The following TMEM200C variants were observed in gnomAD, a reference collection of about 807,000 sequenced individuals.
TMEM200C encodes the protein transmembrane protein 200C.
For synonymous variants in TMEM200C, 462 were observed against 324.7 expected, an observed-to-expected ratio of 1.42 and a Z score of -4.55; for missense variants, 966 against 699.9, an observed-to-expected ratio of 1.38 and a Z score of -4.29.
At chr18:5,894,417 G>C (rs73384006) in intron 2 of TMEM200C, among the ~76,000 whole-genome samples, 44,236 of 152,062 alleles carry the variant, frequency 0.29, 6,692 homozygotes, top group Non-Finnish European at 0.34. Flanking sequence ...CAGATGCCAC[G>C]GGAGACCCAC....
exon 3 of TMEM200C, chr18:5,888,564 T>C (rs1341072301): frequency 1.3e-5 from 2 of 152,198 alleles, no homozygotes; most frequent in Non-Finnish European, 2.9e-5. Flanking sequence ...GATTAAGTGA[T>C]TTGTCTAAGG....
chr18:5,884,326 A>G (rs183463312), exon 3 of TMEM200C: 2 of 152,150 alleles, frequency 1.3e-5, no homozygotes, highest in East Asian at 1.9e-4. Flanking sequence ...CCACTGGCCA[A>G]CACACCTTTC....
exon 3 of TMEM200C, chr18:5,885,917 A>G: frequency 6.6e-6 from 1 of 152,286 alleles, no homozygotes; most frequent in Non-Finnish European, 1.5e-5. Flanking sequence ...AAAATTTTAA[A>G]ATAGTCTGGG....
At chr18:5,882,741 T>C (rs939105540) in exon 3 of TMEM200C, 2 of 152,156 alleles carry the variant, frequency 1.3e-5, no homozygotes, top group African/African-American at 4.8e-5. Flanking sequence ...ATGCATTCAA[T>C]TTTTTAAAGT....
exon 3 of TMEM200C, chr18:5,884,896 T>C (rs2095164262): frequency 6.6e-6 from 1 of 152,146 alleles, no homozygotes; most frequent in African/African-American, 2.4e-5. Context: ...GTTCATAAAT[T>C]TGCCCATAAA....
exon 3 of TMEM200C, chr18:5,886,086 T>C (rs2095165130): frequency 6.6e-6 from 1 of 152,140 alleles, no homozygotes; most frequent in African/African-American, 2.4e-5. Flanking sequence ...TACAAGTCCA[T>C]ATACTTAGTC....
intron 2 of TMEM200C, among the ~76,000 whole-genome samples, chr18:5,893,314 C>T (rs1003730681): frequency 2.0e-5 from 3 of 152,148 alleles, no homozygotes; most frequent in Non-Finnish European, 4.4e-5. Flanking sequence ...TCCCCCTTAT[C>T]CCTTTCTCAT....
At chr18:5,884,283 G>T (rs1415659550) in exon 3 of TMEM200C, 1 of 152,056 alleles carries the variant, frequency 6.6e-6, no homozygotes, top group East Asian at 1.9e-4. Flanking sequence ...TTTTTAAATT[G>T]TGTTTTGTGT....
At chr18:5,884,145 T>TA (rs1387624836) in exon 3 of TMEM200C, 1 of 152,198 alleles carries the variant, frequency 6.6e-6, no homozygotes, top group African/African-American at 2.4e-5. Flanking sequence ...GACATCTATT[T>TA]ATCTATATCT....
Position 5,891,599 on chromosome 18 carries a change from G to T in TMEM200C, c.465C>A (p.Ile155=), listed in dbSNP as rs2095171133. The change falls in exon 3 of 3, where the codon ATC becomes ATA. Residue 155 remains isoleucine, a synonymous_variant. Transcript: ENST00000581347. This position sits in a 1 kb window ranked among gnomAD's most constrained non-coding sequence, Gnocchi z 4.7. ...TGTCAGAGTGCAGGTAGCCAGAGAA[G>T]ATGCGGAAGAAGAAGCCCACGGACG... 1 of 1,613,782 alleles carries T rather than the reference G, an allele frequency of 6.2e-7. No homozygotes were observed. Among genetic ancestry groups the T allele is most frequent in the Admixed American group, 1.7e-5 (1 of 60,014 alleles).
At chr18:5,896,162 C>T (rs968842108), upstream of TMEM200C, among the ~76,000 whole-genome samples, 2 of 152,288 alleles carry the variant, frequency 1.3e-5, no homozygotes, top group Admixed American at 1.3e-4. Context: ...CCGCGGGACG[C>T]TTGGAAGCCT....
chr18:5,888,060 C>G (rs2095166739), exon 3 of TMEM200C: 1 of 152,156 alleles, frequency 6.6e-6, no homozygotes, highest in African/African-American at 2.4e-5. Context: ...AGTGCATTCT[C>G]CGAGGACTGG....
chr18:5,890,463 T>C (rs2095169091), exon 3 of TMEM200C: 7 of 1,571,314 alleles, frequency 4.5e-6, no homozygotes, highest in Admixed American at 1.8e-5. Context: ...GTAGCCCTTA[T>C]TGCTGCTGGA....
At chr18:5,886,885 A>G (rs1336221447) in exon 3 of TMEM200C, 1 of 152,230 alleles carries the variant, frequency 6.6e-6, no homozygotes, top group Non-Finnish European at 1.5e-5. Flanking sequence ...GGAAGGTCAT[A>G]TGAAGTAATT....
chr18:5,885,819 CTT>C (rs2095164950), exon 3 of TMEM200C: 1 of 152,130 alleles, frequency 6.6e-6, no homozygotes, highest in Admixed American at 6.6e-5. Context: ...GGTGGGGTGT[CTT>C]AGATTGTTTT....
chr18:5,886,245 G>A (rs1436915032), exon 3 of TMEM200C: 2 of 152,050 alleles, frequency 1.3e-5, no homozygotes, highest in African/African-American at 4.8e-5. Context: ...ACTCAATAGA[G>A]CACCTGATCT....
At chr18:5,892,547 C>T (rs980816080) in intron 2 of TMEM200C, among the ~76,000 whole-genome samples, 49 of 152,162 alleles carry the variant, frequency 3.2e-4, no homozygotes, top group Non-Finnish European at 8.8e-5. Flanking sequence ...TTAAGGACCT[C>T]CCTGTCAAGA....
chr18:5,890,078 T>C (rs1235513385), exon 3 of TMEM200C: 72 of 900,124 alleles, frequency 8.0e-5, no homozygotes, highest in Non-Finnish European at 1.1e-4. Flanking sequence ...CTGCAGCTCT[T>C]TGGATATTGA....
chr18:5,895,744 C>A (rs1174771717), intron 1 of TMEM200C: 2 of 150,680 alleles, frequency 1.3e-5, no homozygotes, highest in South Asian at 4.1e-4. Flanking sequence ...GCTCGGGCCG[C>A]GGGGCAGGGG....
Sources: allele counts gnomAD v4.1 joint callset (sites outside exome capture counted in the v4.1 genomes callset), GRCh38; gene constraint gnomAD v4.1.1; non-coding constraint Gnocchi (gnomAD v3.1); transcripts MANE v1.5; gene names NCBI Gene and HGNC (gene_info 2026-07-23, HGNC 2026-07-21).